SCN1A: variants seen among roughly 807,000 people sequenced by gnomAD.
SCN1A encodes sodium voltage-gated channel alpha subunit 1.
In SCN1A, 13 loss-of-function variants were observed where a neutral mutation model predicts 193.7. The ratio of observed to expected loss-of-function variants is 0.07; its 90% CI spans 0.04 to 0.11. The LOEUF (loss-of-function observed/expected upper bound fraction) is 0.11. Ranked by LOEUF, SCN1A falls within the 10% of genes least tolerant of loss-of-function variation. The pLI, the probability that SCN1A is intolerant of heterozygous loss-of-function variation, is 1.00. For missense variants in SCN1A, 1,432 were observed against 2,451.1 expected (o/e 0.58, Z 8.78); for synonymous variants, 781 against 843.6 (o/e 0.93, Z 1.29).
upstream of SCN1A, among the ~76,000 whole-genome samples, chr2:166,132,863 C>T (rs1005756909): frequency 6.6e-6 from 1 of 152,052 alleles, no homozygotes; most frequent in Non-Finnish European, 1.5e-5. Context: ...TGAATCAGAG[C>T]TGCTATAGGC....
At chr2:166,085,596 A>T (rs1686024713) in intron 2 of SCN1A, among the ~76,000 whole-genome samples, 1 of 152,204 alleles carries the variant, frequency 6.6e-6, no homozygotes, top group African/African-American at 2.4e-5. Context: ...GAAGCAGAGA[A>T]AAACTGCAGG....
intron 5 of SCN1A, 128 bp downstream of exon 5, chr2:166,058,441 CA>C: frequency 1.7e-6 from 1 of 578,078 alleles, no homozygotes; most frequent in Non-Finnish European, 3.1e-6. Context: ...GCTAATATGA[CA>C]AAGATGCAAA....
intron 13 of SCN1A, among the ~76,000 whole-genome samples, chr2:166,044,681 T>C (rs998256569): frequency 6.6e-6 from 1 of 151,510 alleles, no homozygotes; most frequent in African/African-American, 2.4e-5. Context: ...AATCATAAAA[T>C]AACCTAAGGA....
At chr2:166,148,531 G>A (rs1692412283) in intron 1 of SCN1A, among the ~76,000 whole-genome samples, 1 of 152,154 alleles carries the variant, frequency 6.6e-6, no homozygotes, top group Non-Finnish European at 1.5e-5. Context: ...TGGCGCTTTT[G>A]CTGCAGTATT....
At chr2:165,984,684 A>G (rs554445464), downstream of SCN1A, 1 of 152,138 alleles carries the variant, frequency 6.6e-6, no homozygotes, top group Non-Finnish European at 1.5e-5. Flanking sequence ...AAAAAAACCC[A>G]TCACAGTGAA....
intron 10 of SCN1A, 82 bp from the exon 11 acceptor site, chr2:166,047,850 A>G: frequency 6.4e-7 from 1 of 1,562,250 alleles, no homozygotes; most frequent in Non-Finnish European, 8.8e-7. Flanking sequence ...TTGCCTAGTC[A>G]GAAAGATTTG....
At chr2:166,084,719 A>G (rs1331931657) in intron 2 of SCN1A, among the ~76,000 whole-genome samples, 1 of 152,128 alleles carries the variant, frequency 6.6e-6, no homozygotes, top group African/African-American at 2.4e-5. Context: ...TCAGTGTGCA[A>G]ATCCTTTCAG....
At position 166,036,286 on chromosome 2, in the gene SCN1A, T is replaced by C. The variant is rs749432535; in HGVS notation, c.3191A>G (p.Asn1064Ser). Residue 1064 changes from asparagine to serine, a missense_variant, in exon 19 of 29, where the codon AAT becomes AGT. Transcript: ENST00000674923. ...ATCTTTCCCAATTTCTGCTGTATGA[T>C]TGGACATACAACTGTCTTTCTTGTT... is the stretch of plus-strand genomic sequence containing the variant. ...LNNKKDSCMS[N>S]HTAEIGKDLD... The C allele has an allele frequency of 8.1e-6, 13 of 1,613,726 alleles. No individual in the cohort carries two copies. Among genetic ancestry groups the C allele is most frequent in the Non-Finnish European group, 1.0e-5 (12 of 1,179,688 alleles).
chr2:166,039,655 T>G (rs1479733298), intron 16 of SCN1A, 59 bp from the exon 17 acceptor site: 1 of 1,468,736 alleles, frequency 6.8e-7, no homozygotes, highest in Non-Finnish European at 9.5e-7. Context: ...TGACATAAGA[T>G]TTGCTCTTAG....
At chr2:166,101,678 G>A (rs538564162) in intron 2 of SCN1A, among the ~76,000 whole-genome samples, 6 of 152,188 alleles carry the variant, frequency 3.9e-5, no homozygotes, top group South Asian at 2.1e-4. Flanking sequence ...CTAACCATAC[G>A]CAGAAGATTG....
At chr2:166,036,796 T>C (rs1383010846) in intron 18 of SCN1A, among the ~76,000 whole-genome samples, 1 of 152,236 alleles carries the variant, frequency 6.6e-6, no homozygotes, top group African/African-American at 2.4e-5. Flanking sequence ...TCTAAGGTTT[T>C]GTTAACTCTA....
At chr2:166,087,955 A>T (rs4667871) in intron 2 of SCN1A, among the ~76,000 whole-genome samples, 3,398 of 152,216 alleles carry the variant, frequency 0.022, 287 homozygotes, top group Admixed American at 0.16. Flanking sequence ...ATTTTAACAG[A>T]TTCATTTTTT....
upstream of SCN1A, among the ~76,000 whole-genome samples, chr2:166,129,033 A>C (rs1691521215): frequency 6.6e-6 from 1 of 152,326 alleles, no homozygotes; most frequent in South Asian, 2.1e-4. Flanking sequence ...CATCTAACAC[A>C]CTTATTACAA....
At chr2:166,050,625 ATATATATATATATG>A (rs111486493) in intron 9 of SCN1A, among the ~76,000 whole-genome samples, 25,840 of 121,316 alleles carry the variant, frequency 0.21, 3,908 homozygotes, top group East Asian at 0.37. Flanking sequence ...ATATATATAT[ATATATATATATATG>A]TGTGTATATA....
intron 1 of SCN1A, among the ~76,000 whole-genome samples, chr2:166,142,788 C>G (rs1388052482): frequency 2.0e-5 from 3 of 152,156 alleles, no homozygotes; most frequent in African/African-American, 4.8e-5. Flanking sequence ...AGGGTGAGGC[C>G]AGGTGGAGAT....
chr2:166,052,395 C>T (rs1698668291), intron 8 of SCN1A, among the ~76,000 whole-genome samples: 1 of 151,886 alleles, frequency 6.6e-6, no homozygotes, highest in Non-Finnish European at 1.5e-5. Context: ...TTTTGCTGTA[C>T]AACCGAAAAT....
chr2:166,113,124 T>G (rs1273442744), intron 2 of SCN1A, among the ~76,000 whole-genome samples: 1 of 152,142 alleles, frequency 6.6e-6, no homozygotes, highest in African/African-American at 2.4e-5. Flanking sequence ...GCCATTGACT[T>G]GTGGTATCTG....
rs10527781 is a variant in SCN1A at position 166,145,142 on chromosome 2, ATTTTTTTTTTTTTTTT to A, written c.-50+3889_-50+3904del. 2.1e-4 allele frequency among the ~76,000 whole-genome samples: 27 copies of A among 129,038 alleles called. 4 individuals carry two copies. Among genetic ancestry groups the A allele is most frequent in the South Asian group, 5.2e-4 (2 of 3,876 alleles). The allele number at this position is 129,038 out of a possible 152,430, so 84.7% of individuals were successfully genotyped here. On this transcript the variant is annotated intron_variant, in intron 1 of 26. Coordinates refer to the SCN1A transcript ENST00000635750. Reference sequence around the variant, plus strand: ...TGAGCCACTGCACCTGGCCTAAGTAATTTTTTTTTTTTTTTTTTTTTTTTTTTTTTTGTGGGGGACA... The same window carrying A: ...TGAGCCACTGCACCTGGCCTAAGTAATTTTTTTTTTTTTTTGTGGGGGACA...
intron 19 of SCN1A, among the ~76,000 whole-genome samples, chr2:166,016,866 T>C (rs1471814684): frequency 6.6e-6 from 1 of 151,750 alleles, no homozygotes; most frequent in African/African-American, 2.4e-5. Context: ...TATCACGATA[T>C]TGTAAATAGT....
Sources: allele counts gnomAD v4.1 joint callset (sites outside exome capture counted in the v4.1 genomes callset), GRCh38; gene constraint gnomAD v4.1.1; transcripts MANE v1.5; gene names NCBI Gene and HGNC (gene_info 2026-07-23, HGNC 2026-07-21).